NRXN3: variants seen among roughly 807,000 people sequenced by gnomAD.
NRXN3 encodes the protein neurexin 3, also known as neurexin III.
Under a neutral mutation model 137.6 loss-of-function variants are expected in NRXN3, and 32 were observed. The ratio of observed to expected loss-of-function variants is 0.23; its 90% CI spans 0.18 to 0.31. The LOEUF is 0.31. NRXN3 is among the 10% of genes least tolerant of loss of function. The pLI is 1.00. For synonymous variants in NRXN3, 798 were observed against 784.5 expected (o/e 1.02, Z -0.29); for missense variants, 1,574 against 2,062.5 (o/e 0.76, Z 4.59).
intron 8 of NRXN3, among the ~76,000 whole-genome samples, chr14:78,745,683 A>G (rs2098603922): frequency 1.3e-5 from 2 of 152,184 alleles, no homozygotes; most frequent in Admixed American, 6.5e-5. Context: ...TGATAGTATC[A>G]TCTTTTCCAT....
intron 15 of NRXN3, among the ~76,000 whole-genome samples, chr14:79,290,279 G>C (rs2153458299): frequency 6.6e-6 from 1 of 152,296 alleles, no homozygotes; most frequent in Non-Finnish European, 1.5e-5. Flanking sequence ...AAATGAAAAT[G>C]AACTCGGGGT....
intron 4 of NRXN3, among the ~76,000 whole-genome samples, chr14:78,486,244 AC>A (rs1325613203): frequency 6.6e-6 from 1 of 152,122 alleles, no homozygotes; most frequent in African/African-American, 2.4e-5. Context: ...CCTGGGGCCT[AC>A]CTTTTTCCTG....
At chr14:78,363,895 T>A (rs1179827352) in intron 4 of NRXN3, among the ~76,000 whole-genome samples, 1 of 152,252 alleles carries the variant, frequency 6.6e-6, no homozygotes, top group African/African-American at 2.4e-5. Context: ...CCTTCTCAAA[T>A]TCTTGTGAAG....
At chr14:79,063,118 G>A (rs2099676281) in intron 15 of NRXN3, among the ~76,000 whole-genome samples, 1 of 152,086 alleles carries the variant, frequency 6.6e-6, no homozygotes, top group Non-Finnish European at 1.5e-5. Flanking sequence ...TGTTTCTATT[G>A]AATAGATTTT....
intron 15 of NRXN3, among the ~76,000 whole-genome samples, chr14:79,228,393 T>C (rs1477556765): frequency 6.6e-6 from 1 of 152,126 alleles, no homozygotes; most frequent in African/African-American, 2.4e-5. Flanking sequence ...AGGAACTCTG[T>C]TAAATTTTTT....
Position 78,645,055 on chromosome 14 carries a change from T to A in NRXN3, c.758-65T>A. The stretch of plus-strand genomic sequence containing the variant: ...TGCCCCTGCGGTGTGTTCTCTTTGG[T>A]ATTTGCATAGGTCTGACTCTTGCCA... On this transcript the variant is annotated intron_variant, in intron 4 of 20. Coordinates refer to ENST00000335750, the MANE Select transcript of NRXN3 (RefSeq NM_001330195.2). The A allele has an allele frequency of 4.3e-6, 6 of 1,387,828 alleles. No homozygotes were observed. In the South Asian group the frequency reaches 5.7e-5, roughly 13 times the overall value. 86.0% of individuals were successfully genotyped at this position (1,387,828 alleles called of 1,614,324 possible). A position where few individuals can be genotyped will look rare whatever the true frequency, so the allele number is the denominator to read the frequency against.
intron 8 of NRXN3, among the ~76,000 whole-genome samples, chr14:78,752,179 G>T (rs1291055313): frequency 1.3e-5 from 2 of 152,270 alleles, no homozygotes; most frequent in East Asian, 1.9e-4. Flanking sequence ...CCCCGAGGCA[G>T]GCAGATGGCT....
intron 10 of NRXN3, among the ~76,000 whole-genome samples, chr14:78,954,439 T>G (rs1053778449): frequency 6.6e-6 from 1 of 152,170 alleles, no homozygotes. Context: ...CAAATGTAAC[T>G]AAATAGTAGG....
intron 15 of NRXN3, chr14:79,280,376 A>T (rs769633306): frequency 6.2e-7 from 1 of 1,613,918 alleles, no homozygotes; most frequent in African/African-American, 1.3e-5. Context: ...CTGGGGATGT[A>T]TCGTCAGCTC....
At chr14:79,489,603 C>T (rs895449433) in intron 16 of NRXN3, among the ~76,000 whole-genome samples, 1 of 152,080 alleles carries the variant, frequency 6.6e-6, no homozygotes, top group Non-Finnish European at 1.5e-5. Flanking sequence ...ATGTAAAGCC[C>T]TTCTTGGATT....
intron 15 of NRXN3, among the ~76,000 whole-genome samples, chr14:79,343,244 C>A (rs185201176): frequency 6.6e-6 from 1 of 152,110 alleles, no homozygotes; most frequent in Non-Finnish European, 1.5e-5. Flanking sequence ...CCTACAGAGG[C>A]GATCTAGTCT....
intron 2 of NRXN3, among the ~76,000 whole-genome samples, chr14:78,250,334 T>C (rs2153461048): frequency 6.6e-6 from 1 of 152,324 alleles, no homozygotes; most frequent in South Asian, 2.1e-4. Context: ...AAGAGCAAGT[T>C]CTGACTCTGG....
chr14:79,131,552 C>A (rs1326258935), intron 15 of NRXN3, among the ~76,000 whole-genome samples: 1 of 152,218 alleles, frequency 6.6e-6, no homozygotes, highest in Non-Finnish European at 1.5e-5. Flanking sequence ...TCTCTAGCTG[C>A]ATGCTGGGAG....
chr14:79,678,538 C>A (rs1384913476), intron 17 of NRXN3, among the ~76,000 whole-genome samples: 1 of 152,108 alleles, frequency 6.6e-6, no homozygotes, highest in African/African-American at 2.4e-5. Context: ...CTTTGGACAG[C>A]ATTCTTGTTT....
intron 6 of NRXN3, among the ~76,000 whole-genome samples, chr14:78,669,228 A>G (rs2152707464): frequency 6.6e-6 from 1 of 152,200 alleles, no homozygotes; most frequent in Non-Finnish European, 1.5e-5. Flanking sequence ...AGCATAGAGA[A>G]CTAATAATAA....
Position 78,766,623 on chromosome 14 carries a change from G to GCC in NRXN3, c.2045-36996_2045-36995dup, listed in dbSNP as rs1325740829. On this transcript the variant is annotated intron_variant, in intron 8 of 20. Transcript: ENST00000335750. Reference sequence around the variant, plus strand: ...TTTCATTGTCTTCTTCGGATTCCATGCCTCACCTTTGTGGAAACTGAACTA... The same window carrying GCC: ...TTTCATTGTCTTCTTCGGATTCCATGCCCCTCACCTTTGTGGAAACTGAACTA... Among the ~76,000 whole-genome samples, 3 of 152,112 alleles carry GCC rather than the reference G, an allele frequency of 2.0e-5. No homozygotes were observed. In the East Asian group the frequency reaches 5.8e-4, roughly 29 times the overall value.
chr14:78,674,516 G>C (rs2097978029), intron 6 of NRXN3, among the ~76,000 whole-genome samples: 1 of 152,184 alleles, frequency 6.6e-6, no homozygotes, highest in Admixed American at 6.5e-5. Context: ...TTCATGCCTA[G>C]GGCATGTATC....
chr14:79,531,790 T>C (rs1398603512), intron 16 of NRXN3, among the ~76,000 whole-genome samples: 2 of 152,230 alleles, frequency 1.3e-5, no homozygotes, highest in East Asian at 1.9e-4. Context: ...TATGATATTT[T>C]ACACTTATTG....
chr14:79,574,845 T>A (rs949639457), intron 16 of NRXN3, among the ~76,000 whole-genome samples: 1 of 152,118 alleles, frequency 6.6e-6, no homozygotes, highest in Admixed American at 6.6e-5. Context: ...CAGAAGTAAT[T>A]GAGACTCAAT....
Sources: gnomAD v4.1 joint callset for allele counts (sites outside exome capture counted in the v4.1 genomes callset) on GRCh38, gnomAD v4.1.1 for gene constraint, MANE v1.5 for transcripts, NCBI Gene and HGNC (gene_info 2026-07-23, HGNC 2026-07-21) for gene names.